ASAP1: variants seen among roughly 807,000 people sequenced by gnomAD.
ASAP1 encodes the protein ArfGAP with SH3 domain, ankyrin repeat and PH domain 1, also known as arf-GAP with SH3 domain, ANK repeat and PH domain-containing protein 1.
A neutral mutation model predicts 145.2 loss-of-function variants in ASAP1; 43 were observed. The observed-to-expected ratio is 0.30, with a 90% CI of 0.23 to 0.38. The LOEUF (loss-of-function observed/expected upper bound fraction) is 0.38, where lower values mean the gene tolerates loss of function less well. Among genes scored for constraint, ASAP1 ranks in the 10% least tolerant of loss-of-function variants. The pLI, the probability that ASAP1 is intolerant of heterozygous loss-of-function variation, is 1.00. For missense variants in ASAP1, 1,018 were observed against 1,355.3 expected, an observed-to-expected ratio of 0.75 and a Z score of 3.91; for synonymous variants, 546 against 515.5, an observed-to-expected ratio of 1.06 and a Z score of -0.80.
chr8:130,056,369 T>C (rs1330782875), intron 29 of ASAP1, among the ~76,000 whole-genome samples: 1 of 152,228 alleles, frequency 6.6e-6, no homozygotes, highest in Non-Finnish European at 1.5e-5. Flanking sequence ...CTCCCCAGGC[T>C]GATCCCTTCA....
intron 3 of ASAP1, among the ~76,000 whole-genome samples, chr8:130,283,972 G>A (rs888187427): frequency 2.6e-5 from 4 of 152,280 alleles, no homozygotes; most frequent in African/African-American, 9.6e-5. Flanking sequence ...GCCTAAGAGT[G>A]GGTATTGCAC....
chr8:130,086,360 A>G (rs1227617539), intron 25 of ASAP1, among the ~76,000 whole-genome samples: 1 of 152,260 alleles, frequency 6.6e-6, no homozygotes, highest in Non-Finnish European at 1.5e-5. Context: ...GTACGTTAAC[A>G]CATGCGAAGT....
At chr8:130,391,587 T>G (rs1828286759) in intron 2 of ASAP1, among the ~76,000 whole-genome samples, 1 of 152,196 alleles carries the variant, frequency 6.6e-6, no homozygotes, top group Non-Finnish European at 1.5e-5. Context: ...TCTATCCTGC[T>G]GCACCTAGGC....
intron 3 of ASAP1, among the ~76,000 whole-genome samples, chr8:130,309,977 AAC>A (rs1196615533): frequency 6.6e-6 from 1 of 152,194 alleles, no homozygotes; most frequent in East Asian, 1.9e-4. Context: ...ACAATAAAAA[AAC>A]AGAGGCTCTT....
At chr8:130,423,473 G>A (rs1006710248) in intron 1 of ASAP1, among the ~76,000 whole-genome samples, 3 of 152,026 alleles carry the variant, frequency 2.0e-5, no homozygotes, top group African/African-American at 7.2e-5. Flanking sequence ...TTCCACCTCT[G>A]GGAATTTGTC....
intron 3 of ASAP1, among the ~76,000 whole-genome samples, chr8:130,275,427 A>C (rs1820819997): frequency 6.6e-6 from 1 of 152,230 alleles, no homozygotes; most frequent in Admixed American, 6.5e-5. Flanking sequence ...GACCCAGGTC[A>C]ATACCCCTCT....
At chr8:130,354,323 T>C (rs956142409) in intron 3 of ASAP1, among the ~76,000 whole-genome samples, 3 of 152,232 alleles carry the variant, frequency 2.0e-5, no homozygotes, top group Admixed American at 6.5e-5. Context: ...AGAGAGCTCA[T>C]ATGAGAGGTA....
intron 13 of ASAP1, among the ~76,000 whole-genome samples, chr8:130,148,960 C>T (rs2097639689): frequency 6.6e-6 from 1 of 151,810 alleles, no homozygotes; most frequent in Admixed American, 6.6e-5. Context: ...TCACAGCCTC[C>T]CAAGTAGCTG....
intron 13 of ASAP1, among the ~76,000 whole-genome samples, chr8:130,140,601 C>A (rs974119572): frequency 4.6e-5 from 7 of 152,142 alleles, no homozygotes; most frequent in African/African-American, 1.7e-4. Flanking sequence ...TTAAGTCATT[C>A]CATGATTGAC....
intron 1 of ASAP1, among the ~76,000 whole-genome samples, chr8:130,428,200 T>C (rs1829996239): frequency 6.6e-6 from 1 of 151,992 alleles, no homozygotes; most frequent in Admixed American, 6.6e-5. Flanking sequence ...TCCATCTCAC[T>C]CTCTAGACTG....
intron 4 of ASAP1, 146 bp from the exon 5 acceptor site, chr8:130,214,847 A>G (rs974677595): frequency 1.6e-6 from 1 of 632,956 alleles, no homozygotes; most frequent in African/African-American, 1.9e-5. Flanking sequence ...AGGTTAGGTT[A>G]GGAGTACACT....
Position 130,209,442 on chromosome 8 carries a change from C to T in ASAP1, c.405+5114G>A, listed in dbSNP as rs76398111. On this transcript the variant is annotated intron_variant, in intron 5 of 29. Transcript: ENST00000518721. Reference sequence around the variant, plus strand: ...ATCTTTCACTGTGTTGACATTTGCACTGACAGTGTAAAAGCAACAGTGAGT... The same window carrying T: ...ATCTTTCACTGTGTTGACATTTGCATTGACAGTGTAAAAGCAACAGTGAGT... 2.4e-3 allele frequency among the ~76,000 whole-genome samples: 370 copies of T among 152,020 alleles called. 1 individual carries two copies. Among genetic ancestry groups the T allele is most frequent in the Admixed American group, 6.5e-3 (99 of 15,256 alleles).
chr8:130,078,779 G>A (rs1239610937), intron 26 of ASAP1, among the ~76,000 whole-genome samples: 1 of 152,134 alleles, frequency 6.6e-6, no homozygotes, highest in Non-Finnish European at 1.5e-5. Flanking sequence ...CTGGAGAGCT[G>A]GCTCTGACAT....
chr8:130,329,616 C>T (rs1824554504), intron 3 of ASAP1, among the ~76,000 whole-genome samples: 1 of 152,124 alleles, frequency 6.6e-6, no homozygotes, highest in African/African-American at 2.4e-5. Flanking sequence ...ATGTTACTGG[C>T]TCATAATAAA....
At chr8:130,084,437 G>A (rs2097488166) in intron 25 of ASAP1, 1 of 152,216 alleles carries the variant, frequency 6.6e-6, no homozygotes, top group African/African-American at 2.4e-5. Context: ...TCATACAGAT[G>A]TGTGTAAGAG....
At chr8:130,256,752 T>TATATATCC (rs1819559180) in intron 3 of ASAP1, among the ~76,000 whole-genome samples, 1 of 41,888 alleles carries the variant, frequency 2.4e-5, no homozygotes, top group South Asian at 1.0e-3. Flanking sequence ...TATATATATA[T>TATATATCC]ATATATATAT....
In ASAP1 at chr8:130,208,426, C is replaced by A. The variant is rs529003381; in HGVS notation, c.405+6130G>T. ...CTCAGGTTACACTGCTGCTCCCTTT[C>A]CTAACCGCTGGTAACTACTGATCTG... is the stretch of plus-strand genomic sequence containing the variant. On this transcript the variant is annotated intron_variant, in intron 5 of 29. Transcript: ENST00000518721. Among the ~76,000 whole-genome samples the A allele has an allele frequency of 2.0e-5, 3 of 152,340 alleles. No individual in the cohort carries two copies. The South Asian group carries it at 6.2e-4, about 32-fold the overall frequency.
At position 130,176,840 on chromosome 8, in the gene ASAP1, G is replaced by A. The variant is rs554563249; in HGVS notation, c.746+2424C>T. ...CAAGTAGCTGGGATTACAGGTATGC[G>A]CAACCACACCTGGCTAATTTTGTAC... On this transcript the variant is annotated intron_variant, in intron 9 of 29. Transcript: ENST00000518721. Among the ~76,000 whole-genome samples, 70 of 152,108 alleles carry A rather than the reference G, an allele frequency of 4.6e-4. 1 individual carries two copies. Among genetic ancestry groups the A allele is most frequent in the Non-Finnish European group, 6.8e-4 (46 of 67,984 alleles).
At chr8:130,190,284 A>C (rs1815050829) in intron 5 of ASAP1, among the ~76,000 whole-genome samples, 5 of 152,184 alleles carry the variant, frequency 3.3e-5, no homozygotes, top group Admixed American at 3.3e-4. Context: ...TCACAGTTTC[A>C]GGTCTTAGAT....
Sources: gnomAD v4.1 joint callset for allele counts (sites outside exome capture counted in the v4.1 genomes callset) on GRCh38, gnomAD v4.1.1 for gene constraint, MANE v1.5 for transcripts, NCBI Gene and HGNC (gene_info 2026-07-23, HGNC 2026-07-21) for gene names.